SLC25A13: variants seen among roughly 807,000 people sequenced by gnomAD.
SLC25A13 encodes the protein solute carrier family 25 member 13.
In SLC25A13, 70 loss-of-function variants were observed where a neutral mutation model predicts 85.5. The observed-to-expected ratio is 0.82, with a 90% CI of 0.68 to 1.00. The LOEUF is 1.00. Ranked by LOEUF, SLC25A13 falls within the 50% of genes least tolerant of loss-of-function variation. The pLI is 0.00. For synonymous variants in SLC25A13, 259 were observed against 288.7 expected (o/e 0.90, Z 1.04); for missense variants, 765 against 819.8 (o/e 0.93, Z 0.82).
At chr7:96,298,609 T>A (rs926438336) in intron 1 of SLC25A13, among the ~76,000 whole-genome samples, 1 of 152,108 alleles carries the variant, frequency 6.6e-6, no homozygotes, top group Admixed American at 6.5e-5. Flanking sequence ...AATTTTTTAT[T>A]TTTAGTACAG....
At chr7:96,251,915 A>T (rs762709198) in intron 3 of SLC25A13, among the ~76,000 whole-genome samples, 24 of 152,296 alleles carry the variant, frequency 1.6e-4, no homozygotes, top group Middle Eastern at 3.4e-3. Flanking sequence ...CAACCTGATG[A>T]GTCTTTACTA....
intron 2 of SLC25A13, among the ~76,000 whole-genome samples, chr7:96,293,521 A>T (rs958686398): frequency 5.3e-5 from 8 of 152,226 alleles, no homozygotes; most frequent in African/African-American, 1.7e-4. Context: ...AATTTTTTCA[A>T]TCTACTCATC....
At chr7:96,283,455 C>A in intron 2 of SLC25A13, 1 of 431,884 alleles carries the variant, frequency 2.3e-6, no homozygotes. Flanking sequence ...ATATGCAAAT[C>A]TATAAGAAAG....
intron 14 of SLC25A13, among the ~76,000 whole-genome samples, chr7:96,133,441 G>A (rs1209250194): frequency 1.3e-5 from 2 of 152,166 alleles, no homozygotes; most frequent in Non-Finnish European, 2.9e-5. Context: ...CGAGGGCTAT[G>A]CCCTTGGCTT....
At chr7:96,307,845 G>A (rs1374918833) in intron 1 of SLC25A13, among the ~76,000 whole-genome samples, 4 of 151,972 alleles carry the variant, frequency 2.6e-5, no homozygotes, top group Admixed American at 6.6e-5. Context: ...CTTTGCAATG[G>A]AACATTTAAA....
chr7:96,144,946 C>T (rs1441347584), intron 14 of SLC25A13, among the ~76,000 whole-genome samples: 1 of 152,102 alleles, frequency 6.6e-6, no homozygotes, highest in African/African-American at 2.4e-5. Flanking sequence ...GGCATCTTGT[C>T]AAAATGACAT....
intron 2 of SLC25A13, among the ~76,000 whole-genome samples, chr7:96,289,115 G>A (rs1208372408): frequency 6.6e-6 from 1 of 152,216 alleles, no homozygotes; most frequent in African/African-American, 2.4e-5. Context: ...TTGCTGTTCT[G>A]CAGCCTCCGC....
intron 2 of SLC25A13, among the ~76,000 whole-genome samples, chr7:96,288,007 A>T (rs1798955527): frequency 6.6e-6 from 1 of 152,232 alleles, no homozygotes; most frequent in African/African-American, 2.4e-5. Context: ...TGGTTCTCTC[A>T]TACAGACCTC....
At chr7:96,167,720 CACA>C (rs1159283050) in intron 13 of SLC25A13, among the ~76,000 whole-genome samples, 1 of 152,162 alleles carries the variant, frequency 6.6e-6, no homozygotes, top group African/African-American at 2.4e-5. Context: ...CTGTGGAACT[CACA>C]ACAACCCTCT....
intron 15 of SLC25A13, among the ~76,000 whole-genome samples, chr7:96,128,446 A>C (rs1176829939): frequency 6.6e-6 from 1 of 152,190 alleles, no homozygotes; most frequent in African/African-American, 2.4e-5. Context: ...AAAGTAGCTT[A>C]CTTCGCATTA....
intron 15 of SLC25A13, among the ~76,000 whole-genome samples, chr7:96,131,099 T>A (rs1262401290): frequency 6.6e-6 from 1 of 152,168 alleles, no homozygotes; most frequent in Non-Finnish European, 1.5e-5. Context: ...GGAGAGCTAA[T>A]CCAGACTGTT....
intron 3 of SLC25A13, among the ~76,000 whole-genome samples, chr7:96,274,654 A>G (rs1166092732): frequency 1.3e-5 from 2 of 152,168 alleles, no homozygotes; most frequent in Non-Finnish European, 2.9e-5. Context: ...CTAACATTTA[A>G]GTCTTTAATC....
At chr7:96,224,525 G>A (rs6950250) in intron 4 of SLC25A13, among the ~76,000 whole-genome samples, 27,270 of 151,692 alleles carry the variant, frequency 0.18, 2,666 homozygotes, top group East Asian at 0.33. Flanking sequence ...CTTCCCTATC[G>A]TCCTGTGATT....
intron 2 of SLC25A13, among the ~76,000 whole-genome samples, chr7:96,291,820 C>G (rs758885187): frequency 6.6e-6 from 1 of 152,076 alleles, no homozygotes; most frequent in Non-Finnish European, 1.5e-5. Flanking sequence ...CAGGACCAGA[C>G]AGATTCACAG....
In SLC25A13 at chr7:96,292,267, A is replaced by G. The variant is rs145077680; in HGVS notation, c.69+4631T>C. Among the ~76,000 whole-genome samples the G allele has an allele frequency of 1.3e-3, 194 of 152,342 alleles. No individual in the cohort carries two copies. The East Asian group carries it at 0.03, about 24-fold the overall frequency. On this transcript the variant is annotated intron_variant, in intron 2 of 17. Coordinates refer to ENST00000265631, the MANE Select transcript of SLC25A13 (RefSeq NM_014251.3). ...AAAACTCTCAATAAATTAGGTAAAG[A>G]TGGGACGTATCTCAAAATAATAAGA...
intron 3 of SLC25A13, among the ~76,000 whole-genome samples, chr7:96,247,150 C>A (rs910802091): frequency 6.6e-6 from 1 of 152,132 alleles, no homozygotes; most frequent in African/African-American, 2.4e-5. Context: ...CTCTAGTCTG[C>A]CAGAGGCAGT....
chr7:96,223,069 C>T (rs1209168361), intron 4 of SLC25A13, among the ~76,000 whole-genome samples: 2 of 151,966 alleles, frequency 1.3e-5, no homozygotes, highest in African/African-American at 4.8e-5. Context: ...TTGCTAAAAC[C>T]TACACAATTT....
At chr7:96,169,971 C>T in intron 13 of SLC25A13, 74 bp downstream of exon 13, 6 of 1,437,132 alleles carry the variant, frequency 4.2e-6, no homozygotes, top group South Asian at 3.4e-5. Flanking sequence ...CCTTAGTCCA[C>T]ACCTGTTGAC....
intron 3 of SLC25A13, 106 bp from the exon 4 acceptor site, chr7:96,235,023 A>T: frequency 1.3e-6 from 1 of 757,040 alleles, no homozygotes; most frequent in Admixed American, 2.4e-5. Context: ...GCCAAAACAT[A>T]AAATTCAAAC....
Sources: gnomAD v4.1 joint callset for allele counts (sites outside exome capture counted in the v4.1 genomes callset) on GRCh38, gnomAD v4.1.1 for gene constraint, MANE v1.5 for transcripts, NCBI Gene and HGNC (gene_info 2026-07-23, HGNC 2026-07-21) for gene names.